Variants in ZNF75D observed in about 807,000 individuals in gnomAD.
ZNF75D encodes the protein zinc finger protein 75D, also known as zinc finger protein 75.
Under a neutral mutation model 33.3 loss-of-function variants are expected in ZNF75D, and 33 were observed. The observed-to-expected ratio is 0.99, with a 90% CI of 0.75 to 1.32. The LOEUF (loss-of-function observed/expected upper bound fraction) is 1.32. Ranked by LOEUF, ZNF75D falls within the 40% of genes most tolerant of loss-of-function variation. ZNF75D has a pLI of 0.00. For missense variants in ZNF75D, 338 were observed against 367.5 expected (o/e 0.92, Z 0.66); for synonymous variants, 113 against 130.6 (o/e 0.87, Z 0.92).
At chrX:135,270,425 A>G (rs1402498168) in intron 1 of ZNF75D, among the ~76,000 whole-genome samples, 1 of 99,234 alleles carries the variant, frequency 1.0e-5, no homozygotes, top group Non-Finnish European at 2.0e-5. Flanking sequence ...ATACATATAT[A>G]TTATGTACCC....
At chrX:135,263,587 G>C (rs1556415895) in intron 1 of ZNF75D, among the ~76,000 whole-genome samples, 1 of 112,983 alleles carries the variant, frequency 8.9e-6, no homozygotes, top group African/African-American at 3.2e-5. Context: ...TGGGCTAGCA[G>C]TAAGCAAGGC....
At chrX:135,310,531 C>A (rs1434936391) in intron 1 of ZNF75D, among the ~76,000 whole-genome samples, 3 of 111,567 alleles carry the variant, frequency 2.7e-5, no homozygotes, top group African/African-American at 9.8e-5. Flanking sequence ...ATAAAAGGAA[C>A]CATTAAAACC....
intron 1 of ZNF75D, among the ~76,000 whole-genome samples, chrX:135,270,392 T>C (rs186626793): frequency 0.014 from 1,198 of 85,147 alleles, 25 homozygotes; most frequent in African/African-American, 0.042. Context: ...TATATATATA[T>C]ACACATATTT....
chrX:135,307,129 G>GAC (rs1409985703), intron 1 of ZNF75D, among the ~76,000 whole-genome samples: 4 of 111,808 alleles, frequency 3.6e-5, no homozygotes, highest in Non-Finnish European at 7.5e-5. Flanking sequence ...TTAAGAGAAA[G>GAC]AGTTTTCCAC....
chrX:135,329,193 A>G (rs2084620086), intron 1 of ZNF75D, among the ~76,000 whole-genome samples: 1 of 112,691 alleles, frequency 8.9e-6, no homozygotes, highest in Admixed American at 9.3e-5. Flanking sequence ...TGAAGAAACA[A>G]AAATAGGATG....
At chrX:135,317,779 G>A (rs1451166525) in intron 1 of ZNF75D, among the ~76,000 whole-genome samples, 6 of 111,477 alleles carry the variant, frequency 5.4e-5, no homozygotes, top group Non-Finnish European at 1.1e-4. Context: ...CTGAAGGTAG[G>A]ATGAGGAGGG....
intron 1 of ZNF75D, among the ~76,000 whole-genome samples, chrX:135,331,039 C>T (rs2084645378): frequency 8.9e-6 from 1 of 111,736 alleles, no homozygotes; most frequent in African/African-American, 3.3e-5. Flanking sequence ...TAATTGCTTA[C>T]CCAGATGAAA....
At position 135,287,049 on chromosome X, in the gene ZNF75D, T is replaced by C. The variant is rs781784088; in HGVS notation, c.*88A>G. 14 of 789,851 alleles carry C rather than the reference T, an allele frequency of 1.8e-5. No homozygotes were observed. In the South Asian group the frequency reaches 2.6e-4, roughly 15 times the overall value. 65.1% of individuals were successfully genotyped at this position (789,851 alleles called of 1,213,427 possible). Reference sequence around the variant, plus strand: ...TAACATGTACCCTTCCCAAATGTTTTATTAATCACAGATTCCTATCATTGG... The same window carrying C: ...TAACATGTACCCTTCCCAAATGTTTCATTAATCACAGATTCCTATCATTGG... On this transcript the variant is annotated 3_prime_UTR_variant, in exon 7 of 7. Coordinates refer to ENST00000370766, the MANE Select transcript of ZNF75D (RefSeq NM_007131.5).
chrX:135,323,502 G>C (rs1443997815), intron 1 of ZNF75D, among the ~76,000 whole-genome samples: 1 of 111,961 alleles, frequency 8.9e-6, no homozygotes, highest in Non-Finnish European at 1.9e-5. Context: ...CTCCATATGA[G>C]TGACCACCTC....
At chrX:135,319,485 G>C (rs936387279) in intron 1 of ZNF75D, among the ~76,000 whole-genome samples, 28 of 112,064 alleles carry the variant, frequency 2.5e-4, no homozygotes, top group Non-Finnish European at 7.5e-5. Context: ...CAGGGGCATA[G>C]AGGCTTCCAG....
chrX:135,279,594 G>T (rs782151336), intron 1 of ZNF75D, among the ~76,000 whole-genome samples: 4 of 111,544 alleles, frequency 3.6e-5, no homozygotes, highest in African/African-American at 9.8e-5. Flanking sequence ...GTCAATTTTT[G>T]ATCTTTCCTG....
intron 1 of ZNF75D, among the ~76,000 whole-genome samples, chrX:135,257,541 C>A (rs781867875): frequency 2.4e-4 from 27 of 113,288 alleles, no homozygotes; most frequent in African/African-American, 8.3e-4. Context: ...TTACTCTAAT[C>A]CCTGGCTCCC....
chrX:135,291,903 G>T (rs1259294642), intron 4 of ZNF75D, among the ~76,000 whole-genome samples: 1 of 112,201 alleles, frequency 8.9e-6, no homozygotes, highest in Non-Finnish European at 1.9e-5. Context: ...TAATGTGGGA[G>T]ACTTTTGTCT....
At chrX:135,301,269 C>A (rs1180558828) in intron 1 of ZNF75D, among the ~76,000 whole-genome samples, 3 of 111,554 alleles carry the variant, frequency 2.7e-5, no homozygotes, top group Non-Finnish European at 5.6e-5. Flanking sequence ...ACAGGTCCCT[C>A]CCTCGACATG....
At chrX:135,291,714 T>C (rs911489204) in intron 4 of ZNF75D, 151 bp from the exon 5 acceptor site, 34 of 773,841 alleles carry the variant, frequency 4.4e-5, no homozygotes, top group Admixed American at 7.6e-5. Flanking sequence ...GCCATCTCAT[T>C]GTAAATAAGA....
At chrX:135,288,599 T>C (rs1183661952) in intron 6 of ZNF75D, among the ~76,000 whole-genome samples, 2 of 112,597 alleles carry the variant, frequency 1.8e-5, no homozygotes, top group African/African-American at 3.2e-5. Context: ...TAAAAGGAAA[T>C]GTATTTAAGT....
chrX:135,301,284 G>A (rs1556424590), intron 1 of ZNF75D, among the ~76,000 whole-genome samples: 1 of 111,396 alleles, frequency 9.0e-6, no homozygotes, highest in African/African-American at 3.3e-5. Context: ...GACATGTGGG[G>A]AATACAATTC....
At chrX:135,303,725 A>G (rs1389521824) in intron 1 of ZNF75D, among the ~76,000 whole-genome samples, 1 of 112,821 alleles carries the variant, frequency 8.9e-6, no homozygotes, top group Non-Finnish European at 1.9e-5. Context: ...CCAGCTGTGA[A>G]GCTGGAGCAG....
At chrX:135,249,162 G>A in exon 4 of ZNF75D, 4 of 324,427 alleles carry the variant, frequency 1.2e-5, no homozygotes, top group South Asian at 1.1e-4. Flanking sequence ...CCGATTTAGA[G>A]GCCAGGCTGG....
Sources: allele counts gnomAD v4.1 joint callset (sites outside exome capture counted in the v4.1 genomes callset), GRCh38; gene constraint gnomAD v4.1.1; transcripts MANE v1.5; gene names NCBI Gene and HGNC (gene_info 2026-07-23, HGNC 2026-07-21).